The following PCDHB8 variants were observed in gnomAD, a reference collection of about 807,000 sequenced individuals.
PCDHB8 encodes the protein protocadherin beta 8.
For synonymous variants in PCDHB8, 385 were observed against 448.5 expected, an observed-to-expected ratio of 0.86 and a Z score of 1.79; for missense variants, 836 against 1,004.0, an observed-to-expected ratio of 0.83 and a Z score of 2.26.
rs1235643501 is a variant in PCDHB8 at position 141,180,134 on chromosome 5, G to C, written c.2100G>C (p.Ser700=). 5.6e-6 allele frequency: 9 copies of C among 1,611,202 alleles called. No individual in the cohort carries two copies. The East Asian group carries it at 1.1e-4, about 20-fold the overall frequency. ...TGGTGGCGTTGGCCTCGGTGTCTTCGCTCTTCCTCTTCTCGGTGCTCCTGT... is the reference window on the plus strand; with the variant it reads ...TGGTGGCGTTGGCCTCGGTGTCTTCCCTCTTCCTCTTCTCGGTGCTCCTGT... The part of the protein sequence containing the change: ...YLVVALASVS[S]LFLFSVLLFV... Residue 700 remains serine (S), a synonymous_variant, in exon 1 of 1, where the codon TCG becomes TCC. Transcript: ENST00000239444.
chr5:141,179,633 C>T lies in PCDHB8; in HGVS notation c.1599C>T (p.Gly533=), dbSNP rs60993266. Residue 533 remains glycine, a synonymous_variant, in exon 1 of 1, where the codon GGC becomes GGT. Coordinates refer to ENST00000239444, the MANE Select transcript of PCDHB8 (RefSeq NM_019120.5). ...EALQAFEFRV[G]ASDRGSPALS... is the part of the protein sequence containing the mutation. The stretch of plus-strand genomic sequence containing the variant: ...TGCAGGCGTTCGAGTTCCGGGTGGG[C>T]GCTTCAGACCGCGGCTCCCCGGCTT... 2,490 of 1,612,882 alleles carry T rather than the reference C, an allele frequency of 1.5e-3. 40 individuals are homozygous for T. The African/African-American group carries it at 0.03, about 20-fold the overall frequency.
rs1554281713 is a variant in PCDHB8, at chr5:141,180,357, A to G, written c.2323A>G (p.Ile775Val). 1.2e-6 allele frequency: 2 copies of G among 1,613,726 alleles called. No homozygotes were observed. The highest frequency in any genetic ancestry group is 1.7e-6 in the Non-Finnish European group (2 of 1,179,664). ...GCTCCTGAAACCAGTATTACCTAAT[A>G]TTCAGGGCCATTCTTTTGGGCCAGA... ...FQLLKPVLPN[I>V]QGHSFGPEME... is the part of the protein sequence containing the mutation. The change falls in exon 1 of 1, where the codon ATT becomes GTT. Residue 775 changes from isoleucine (I) to valine (V), a missense_variant. By Grantham distance (29) the Ile-to-Val change is conservative. Coordinates refer to ENST00000239444, the MANE Select transcript of PCDHB8 (RefSeq NM_019120.5).
rs199510213 is a variant in PCDHB8 at position 141,179,013 on chromosome 5, G to A, written c.979G>A (p.Gly327Ser). Residue 327 changes from glycine (G) to serine (S), a missense_variant, in exon 1 of 1, where the codon GGC (glycine) becomes AGC (serine). By Grantham distance (56) the Gly-to-Ser change is moderately conservative (BLOSUM62 0). Coordinates refer to ENST00000239444, the MANE Select transcript of PCDHB8 (RefSeq NM_019120.5). The stretch of plus-strand genomic sequence containing the variant: ...CAATATCGAGGCGAGAGATGCTGGA[G>A]GCTTTTCTGGAAAATGCACCGTTCT... ...EVNIEARDAG[G>S]FSGKCTVLIQ... 22 of 1,614,212 alleles carry A rather than the reference G, an allele frequency of 1.4e-5. No individual in the cohort carries two copies. The Admixed American group carries it at 3.3e-4, about 24-fold the overall frequency.
chr5:141,179,684 G>T lies in PCDHB8; in HGVS notation c.1650G>T (p.Val550=), dbSNP rs782289612. The T allele has an allele frequency of 6.2e-7, 1 of 1,612,350 alleles. No homozygotes were observed. Among genetic ancestry groups the T allele is most frequent in the Admixed American group, 1.7e-5 (1 of 60,008 alleles). Residue 550 remains valine, a synonymous_variant, in exon 1 of 1, where the codon GTG becomes GTT. Coordinates refer to ENST00000239444, the MANE Select transcript of PCDHB8 (RefSeq NM_019120.5). The part of the protein sequence containing the change: ...PALSSEALVR[V]LVLDANDNSP... ...TGAGCAGCGAGGCGCTGGTGCGCGT[G>T]CTGGTGCTGGACGCCAACGACAACT... is the stretch of plus-strand genomic sequence containing the variant.
At position 141,179,894 on chromosome 5, in the gene PCDHB8, G is replaced by T; in HGVS notation, c.1860G>T (p.Ala620=). ...AGCCCGGGCTGTTCGGTGTGTGGGC[G>T]CACAATGGCGAGGTGCGCACCGCCA... The part of the protein sequence containing the change: ...ATEPGLFGVW[A]HNGEVRTARL... Residue 620 remains alanine (A), a synonymous_variant, in exon 1 of 1, where the codon GCG becomes GCT. Coordinates refer to ENST00000239444, the MANE Select transcript of PCDHB8 (RefSeq NM_019120.5). 6.2e-7 allele frequency: 1 copy of T among 1,609,460 alleles called. No homozygotes were observed. The highest frequency in any genetic ancestry group is 8.5e-7 in the Non-Finnish European group (1 of 1,179,666).
Position 141,180,383 on chromosome 5 carries a change from A to T in PCDHB8, c.2349A>T (p.Glu783Asp), listed in dbSNP as rs781809804. Residue 783 changes from glutamate (E) to aspartate (D), a missense_variant, in exon 1 of 1, where the codon GAA (glutamate) becomes GAT (aspartate). Transcript: ENST00000239444. ...PNIQGHSFGP[E>D]MEQNSNFRNG... ...TTCAGGGCCATTCTTTTGGGCCAGA[A>T]ATGGAACAAAACTCTAACTTTAGGA... The T allele has an allele frequency of 5.0e-6, 8 of 1,610,742 alleles. No individual in the cohort carries two copies. The African/African-American group carries it at 6.7e-5, about 13-fold the overall frequency.
Position 141,179,587 on chromosome 5 carries a change from G to C in PCDHB8, c.1553G>C (p.Arg518Thr), listed in dbSNP as rs1753487745. The change falls in exon 1 of 1, where the codon AGG becomes ACG. Residue 518 changes from arginine (R) to threonine (T), a missense_variant. Coordinates refer to ENST00000239444, the MANE Select transcript of PCDHB8 (RefSeq NM_019120.5). Reference protein sequence around the residue: ...NTDNGHLFALRSLDYEALQAF... With the variant: ...NTDNGHLFALTSLDYEALQAF... Reference sequence around the variant, plus strand: ...GACAACGGCCACCTGTTCGCCCTCAGGTCGCTGGACTACGAGGCCCTGCAG... The same window carrying C: ...GACAACGGCCACCTGTTCGCCCTCACGTCGCTGGACTACGAGGCCCTGCAG... 6.2e-7 allele frequency: 1 copy of C among 1,613,710 alleles called. No homozygotes were observed. Among genetic ancestry groups the C allele is most frequent in the Non-Finnish European group, 8.5e-7 (1 of 1,179,992 alleles).
In PCDHB8 at chr5:141,180,533, G is replaced by A; in HGVS notation, c.*93G>A. On this transcript the variant is annotated 3_prime_UTR_variant, in exon 1 of 1. Transcript: ENST00000239444. Reference sequence around the variant, plus strand: ...ATAAATTTTAAATTACACTACATTTGCCCATAGTATTTGTCTTGTTTTCAC... The same window carrying A: ...ATAAATTTTAAATTACACTACATTTACCCATAGTATTTGTCTTGTTTTCAC... 1.0e-6 allele frequency: 1 copy of A among 984,028 alleles called. No homozygotes were observed. Among genetic ancestry groups the A allele is most frequent in the Non-Finnish European group, 1.4e-6 (1 of 695,562 alleles). 61.0% of individuals were successfully genotyped at this position (984,028 alleles called of 1,614,324 possible).
Position 141,177,933 on chromosome 5 carries a change from G to T in PCDHB8, c.-102G>T, listed in dbSNP as rs1490982018. 2.9e-5 allele frequency: 44 copies of T among 1,528,054 alleles called. No homozygotes were observed. The African/African-American group carries it at 6.1e-4, about 21-fold the overall frequency. 94.7% of individuals were successfully genotyped at this position (1,528,054 alleles called of 1,614,324 possible). On this transcript the variant is annotated 5_prime_UTR_variant, in exon 1 of 1. Transcript: ENST00000239444. ...GGTCCTCTGGAGAGGACTACTCACT[G>T]GCATATTTCTGAGGTATCTGTAGAA...
Position 141,180,087 on chromosome 5 carries a change from G to A in PCDHB8, c.2053G>A (p.Asp685Asn), listed in dbSNP as rs782654812. The A allele has an allele frequency of 3.2e-5, 51 of 1,610,110 alleles. No homozygotes were observed. Among genetic ancestry groups the A allele is most frequent in the Non-Finnish European group, 4.0e-5 (47 of 1,179,828 alleles). Residue 685 changes from aspartate to asparagine, a missense_variant, in exon 1 of 1, where the codon GAC (aspartate) becomes AAC (asparagine). Transcript: ENST00000239444. Reference sequence around the variant, plus strand: ...GGCTGCCCCAGCCCAGGGCCAGGCCGACTCTCTCACCGTCTACCTGGTGGT... The same window carrying A: ...GGCTGCCCCAGCCCAGGGCCAGGCCAACTCTCTCACCGTCTACCTGGTGGT... ...PEAAPAQGQADSLTVYLVVAL... is the reference protein window; with the variant it reads ...PEAAPAQGQANSLTVYLVVAL...
Position 141,179,839 on chromosome 5 carries a change from G to A in PCDHB8, c.1805G>A (p.Trp602Ter). The change falls in exon 1 of 1, where the codon TGG becomes TAG. Residue 602 changes from tryptophan (W) to a stop codon, truncating the protein, a stop_gained. Coordinates refer to ENST00000239444, the MANE Select transcript of PCDHB8 (RefSeq NM_019120.5). LOFTEE classifies it low-confidence loss of function (END_TRUNC). Reference sequence around the variant, plus strand: ...GACGGCGACTCGGGCCAGAACGCCTGGCTGTCGTACCAGCTGCTCAAGGCC... The same window carrying A: ...GACGGCGACTCGGGCCAGAACGCCTAGCTGTCGTACCAGCTGCTCAAGGCC... ...AVDGDSGQNAWLSYQLLKATE... is the reference protein window; with the variant it reads ...AVDGDSGQNA 1 of 1,610,300 alleles carries A rather than the reference G, an allele frequency of 6.2e-7. No individual in the cohort carries two copies. The highest frequency in any genetic ancestry group is 8.5e-7 in the Non-Finnish European group (1 of 1,179,642).
In PCDHB8 at chr5:141,179,089, C is replaced by T; in HGVS notation, c.1055C>T (p.Ala352Val). 6.2e-7 allele frequency: 1 copy of T among 1,614,222 alleles called. No homozygotes were observed. The highest frequency in any genetic ancestry group is 8.5e-7 in the Non-Finnish European group (1 of 1,180,046). ...NDHAPEVTMS[A>V]FTSPIPENAP... ...CATGCCCCAGAAGTTACCATGTCTG[C>T]ATTTACCAGCCCAATACCTGAGAAT... The change falls in exon 1 of 1, where the codon GCA becomes GTA. Residue 352 changes from alanine to valine, a missense_variant. Transcript: ENST00000239444.
rs544099526 is a variant in PCDHB8, at chr5:141,180,399, A to G, written c.2365A>G (p.Asn789Asp). The change falls in exon 1 of 1, where the codon AAC (asparagine) becomes GAC (aspartate). Residue 789 changes from asparagine (N) to aspartate (D), a missense_variant. By Grantham distance (23) the Asn-to-Asp change is conservative. Transcript: ENST00000239444. ...TGGGCCAGAAATGGAACAAAACTCT[A>G]ACTTTAGGAATGGCTTTGGTTTCAG... ...SFGPEMEQNS[N>D]FRNGFGFSLQ... The G allele has an allele frequency of 1.2e-6, 2 of 1,603,612 alleles. No individual in the cohort carries two copies. The highest frequency in any genetic ancestry group is 1.1e-5 in the South Asian group (1 of 90,784).
In PCDHB8 at chr5:141,179,983, A is replaced by G; in HGVS notation, c.1949A>G (p.Glu650Gly). 1 of 1,608,660 alleles carries G rather than the reference A, an allele frequency of 6.2e-7. No homozygotes were observed. The highest frequency in any genetic ancestry group is 8.5e-7 in the Non-Finnish European group (1 of 1,179,686). The change falls in exon 1 of 1, where the codon GAG becomes GGG. Residue 650 changes from glutamate (E) to glycine (G), a missense_variant. Coordinates refer to ENST00000239444, the MANE Select transcript of PCDHB8 (RefSeq NM_019120.5). ...GTGGTGCTGGTCAAGGACAATGGCG[A>G]GCCTCCGTGCTCGGCCACCGCCACG... ...RLVVLVKDNG[E>G]PPCSATATLH...
Position 141,180,221 on chromosome 5 carries a change from T to C in PCDHB8, c.2187T>C (p.Pro729=), listed in dbSNP as rs781888071. ...RAASVGRCSV[P]EGPFPGHLVD... The stretch of plus-strand genomic sequence containing the variant: ...CCTCGGTGGGTCGCTGCTCAGTGCC[T>C]GAGGGCCCCTTTCCAGGGCATCTGG... The change falls in exon 1 of 1, where the codon CCT becomes CCC. Residue 729 remains proline, a synonymous_variant. Transcript: ENST00000239444. The C allele has an allele frequency of 7.4e-6, 12 of 1,612,996 alleles. No homozygotes were observed. In the East Asian group the frequency reaches 1.8e-4, roughly 24 times the overall value.
In PCDHB8 at chr5:141,179,366, C is replaced by A. The variant is rs782337433; in HGVS notation, c.1332C>A (p.Asp444Glu). The A allele has an allele frequency of 1.9e-6, 3 of 1,614,244 alleles. No individual in the cohort carries two copies. Among genetic ancestry groups the A allele is most frequent in the Non-Finnish European group, 2.5e-6 (3 of 1,180,050 alleles). The part of the protein sequence containing the change: ...THLNMTVLVS[D>E]VNDNAPAFTQ... Reference sequence around the variant, plus strand: ...TCAATATGACCGTGCTGGTGTCGGACGTCAATGACAACGCCCCCGCCTTCA... The same window carrying A: ...TCAATATGACCGTGCTGGTGTCGGAAGTCAATGACAACGCCCCCGCCTTCA... Residue 444 changes from aspartate to glutamate, a missense_variant, in exon 1 of 1, where the codon GAC (aspartate) becomes GAA (glutamate). Physicochemically the swap from Asp to Glu is conservative, Grantham distance 45 (BLOSUM62 2). Transcript: ENST00000239444.
In PCDHB8 at chr5:141,180,247, T is replaced by C; in HGVS notation, c.2213T>C (p.Val738Ala). Residue 738 changes from valine to alanine, a missense_variant, in exon 1 of 1, where the codon GTG becomes GCG. Physicochemically the swap from Val to Ala is moderately conservative, Grantham distance 64. Transcript: ENST00000239444. The stretch of plus-strand genomic sequence containing the variant: ...GAGGGCCCCTTTCCAGGGCATCTGG[T>C]GGACGTGAGGGGCACCGGGAGCCTG... ...VPEGPFPGHL[V>A]DVRGTGSLSQ... is the part of the protein sequence containing the mutation. The C allele has an allele frequency of 6.2e-7, 1 of 1,613,552 alleles. No individual in the cohort carries two copies. The highest frequency in any genetic ancestry group is 1.3e-5 in the African/African-American group (1 of 75,016).
chr5:141,180,242 T>C lies in PCDHB8; in HGVS notation c.2208T>C (p.His736=). The C allele has an allele frequency of 6.2e-7, 1 of 1,613,552 alleles. No individual in the cohort carries two copies. The highest frequency in any genetic ancestry group is 8.5e-7 in the Non-Finnish European group (1 of 1,179,946). ...TGCCTGAGGGCCCCTTTCCAGGGCA[T>C]CTGGTGGACGTGAGGGGCACCGGGA... ...CSVPEGPFPG[H]LVDVRGTGSL... Residue 736 remains histidine (H), a synonymous_variant, in exon 1 of 1, where the codon CAT becomes CAC. Transcript: ENST00000239444.
At position 141,179,205 on chromosome 5, in the gene PCDHB8, C is replaced by G. The variant is rs1191538080; in HGVS notation, c.1171C>G (p.Pro391Ala). 5.6e-6 allele frequency: 9 copies of G among 1,614,086 alleles called. No homozygotes were observed. Among genetic ancestry groups the G allele is most frequent in the Non-Finnish European group, 7.6e-6 (9 of 1,180,062 alleles). ...AAGTTGCTCCATTCAGGAGGATCTA[C>G]CCTTCCTCCTGAAATCTTCTGTGGG... Reference protein sequence around the residue: ...KISCSIQEDLPFLLKSSVGNF... With the variant: ...KISCSIQEDLAFLLKSSVGNF... Residue 391 changes from proline (P) to alanine (A), a missense_variant, in exon 1 of 1, where the codon CCC (proline) becomes GCC (alanine). Coordinates refer to ENST00000239444, the MANE Select transcript of PCDHB8 (RefSeq NM_019120.5).
Sources: gnomAD v4.1 joint callset for allele counts on GRCh38, gnomAD v4.1.1 for gene constraint, MANE v1.5 for transcripts, NCBI Gene and HGNC (gene_info 2026-07-23, HGNC 2026-07-21) for gene names.